The following RELN variants were observed in gnomAD, a reference collection of about 807,000 sequenced individuals.
RELN encodes reelin.
In RELN, 108 loss-of-function variants were observed where a neutral mutation model predicts 427.6. The ratio of observed to expected loss-of-function variants is 0.25; its 90% CI spans 0.22 to 0.30. The LOEUF (loss-of-function observed/expected upper bound fraction) is 0.30, where lower values mean the gene tolerates loss of function less well. Among genes scored for constraint, RELN ranks in the 10% least tolerant of loss-of-function variants. The pLI is 1.00. For missense variants in RELN, 3,715 were observed against 4,302.8 expected, an observed-to-expected ratio of 0.86 and a Z score of 3.82; for synonymous variants, 1,524 against 1,513.4, an observed-to-expected ratio of 1.01 and a Z score of -0.16.
At position 103,589,641 on chromosome 7, in the gene RELN, T is replaced by G. The variant is rs1163726019; in HGVS notation, c.4100A>C (p.Glu1367Ala). 6.2e-7 allele frequency: 1 copy of G among 1,614,080 alleles called. No homozygotes were observed. The highest frequency in any genetic ancestry group is 1.3e-5 in the African/African-American group (1 of 75,056). ...AATAACAATGGTGATTCTTGTCCATTCTTCAAAGTCCCCTGTGTGATACAT... is the reference window on the plus strand; with the variant it reads ...AATAACAATGGTGATTCTTGTCCATGCTTCAAAGTCCCCTGTGTGATACAT... ...PTMYHTGDFEEWTRITIVIPR... is the reference protein window; with the variant it reads ...PTMYHTGDFEAWTRITIVIPR... Residue 1367 changes from glutamate (E) to alanine (A), a missense_variant, in exon 28 of 65, where the codon GAA becomes GCA. By Grantham distance (107) the Glu-to-Ala change is moderately radical. Around this residue, in one of 4 missense-constraint regions of RELN, gnomAD observed 2,208 missense variants for 2,361.7 expected, o/e 0.93. Transcript: ENST00000428762.
intron 63 of RELN, among the ~76,000 whole-genome samples, chr7:103,480,761 T>G (rs1828204735): frequency 6.6e-6 from 1 of 152,222 alleles, no homozygotes; most frequent in South Asian, 2.1e-4. Context: ...ATTATAATTT[T>G]TAAATTATTC....
intron 10 of RELN, among the ~76,000 whole-genome samples, 198 bp from the exon 11 acceptor site, chr7:103,682,459 T>C (rs1833676627): frequency 6.6e-6 from 1 of 152,126 alleles, no homozygotes. Context: ...TATTAAGTTA[T>C]CACAAAAAAG....
intron 6 of RELN, among the ~76,000 whole-genome samples, chr7:103,746,452 A>G (rs1041880563): frequency 1.6e-4 from 25 of 151,950 alleles, no homozygotes; most frequent in Non-Finnish European, 3.1e-4. Context: ...CTGCACAGCA[A>G]AAGAAACTAC....
intron 2 of RELN, among the ~76,000 whole-genome samples, chr7:103,852,242 G>T (rs537110961): frequency 2.0e-5 from 3 of 152,004 alleles, no homozygotes; most frequent in African/African-American, 7.2e-5. Context: ...ATAGACTTCT[G>T]TTTTTCTCTT....
In RELN at chr7:103,833,098, T is replaced by C. The variant is rs111865361; in HGVS notation, c.473+439A>G. Among the ~76,000 whole-genome samples, 67 of 152,282 alleles carry C rather than the reference T, an allele frequency of 4.4e-4. 3 individuals carry two copies. The highest frequency in any genetic ancestry group is 1.5e-3 in the African/African-American group (64 of 41,528). On this transcript the variant is annotated intron_variant, in intron 3 of 64. Coordinates refer to ENST00000428762, the MANE Select transcript of RELN (RefSeq NM_005045.4). The stretch of plus-strand genomic sequence containing the variant: ...ATTAACCTATCCATTACATCATATG[T>C]CTTTTTTTGTGATGTGAATGTTTAA...
rs755251536 is a variant in RELN at position 103,503,232 on chromosome 7, T to C, written c.8275-2A>G. The C allele has an allele frequency of 6.2e-7, 1 of 1,612,728 alleles. No individual in the cohort carries two copies. Among genetic ancestry groups the C allele is most frequent in the Admixed American group, 1.7e-5 (1 of 60,026 alleles). ...AGACACCTTACATCCAACTGAGATCTAATAAACAGAAAAACAAGATCAAGG... is the reference window on the plus strand; with the variant it reads ...AGACACCTTACATCCAACTGAGATCCAATAAACAGAAAAACAAGATCAAGG... On this transcript the variant is annotated splice_acceptor_variant, in intron 51 of 64. Transcript: ENST00000428762. LOFTEE classifies it high-confidence loss of function.
At position 103,764,095 on chromosome 7, in the gene RELN, C is replaced by T. The variant is rs143266350; in HGVS notation, c.545-10881G>A. Among the ~76,000 whole-genome samples the T allele has an allele frequency of 1.2e-3, 176 of 152,024 alleles. 1 individual carries two copies. The highest frequency in any genetic ancestry group is 6.8e-3 in the Middle Eastern group (2 of 294). ...GCAATAGAGGGGTACAGATTTGGGA[C>T]GGACTAAAGTTCAGTTTAGAATATA... On this transcript the variant is annotated intron_variant, in intron 4 of 64. Coordinates refer to ENST00000428762, the MANE Select transcript of RELN (RefSeq NM_005045.4).
chr7:103,819,603 T>C (rs1043958819), intron 3 of RELN, among the ~76,000 whole-genome samples: 1 of 152,108 alleles, frequency 6.6e-6, no homozygotes, highest in African/African-American at 2.4e-5. Context: ...ATGCTCCAAA[T>C]GAGCCATTTA....
chr7:103,625,059 T>C (rs1832299745), intron 20 of RELN, among the ~76,000 whole-genome samples: 1 of 152,222 alleles, frequency 6.6e-6, no homozygotes, highest in African/African-American at 2.4e-5. Flanking sequence ...TTCCTTATCT[T>C]AATTCTTGCT....
At chr7:103,690,721 A>G (rs1428766801) in intron 10 of RELN, among the ~76,000 whole-genome samples, 2 of 152,094 alleles carry the variant, frequency 1.3e-5, no homozygotes, top group East Asian at 3.9e-4. Context: ...GAGATTACGA[A>G]TGAGGGTGGG....
At chr7:103,641,913 G>T (rs1281536401) in intron 16 of RELN, among the ~76,000 whole-genome samples, 1 of 152,070 alleles carries the variant, frequency 6.6e-6, no homozygotes, top group Non-Finnish European at 1.5e-5. Flanking sequence ...GGGCACCCAT[G>T]TCATAGTTCA....
intron 2 of RELN, among the ~76,000 whole-genome samples, chr7:103,909,813 AT>A (rs1292195480): frequency 1.2e-4 from 6 of 48,826 alleles, no homozygotes; most frequent in African/African-American, 5.7e-4. Context: ...AATATATAAT[AT>A]TATATATAAA....
At chr7:103,546,077 C>T (rs550354708) in intron 41 of RELN, among the ~76,000 whole-genome samples, 81 of 152,292 alleles carry the variant, frequency 5.3e-4, no homozygotes, top group African/African-American at 1.9e-3. Flanking sequence ...GTTGTCCAAC[C>T]ATCACCTCTT....
intron 1 of RELN, among the ~76,000 whole-genome samples, chr7:103,981,518 T>C (rs1365909321): frequency 1.3e-5 from 2 of 152,220 alleles, no homozygotes; most frequent in Non-Finnish European, 2.9e-5. Context: ...CAGAGCTTGA[T>C]ACAGGAATTA....
chr7:103,894,600 A>G (rs777092449), intron 2 of RELN, among the ~76,000 whole-genome samples: 4 of 152,186 alleles, frequency 2.6e-5, no homozygotes, highest in Non-Finnish European at 4.4e-5. Context: ...TTAACAAAAA[A>G]AAAGAAAATG....
chr7:103,658,687 C>T (rs1347432046), intron 12 of RELN, among the ~76,000 whole-genome samples: 1 of 151,994 alleles, frequency 6.6e-6, no homozygotes, highest in African/African-American at 2.4e-5. Context: ...CTTTCAGTGA[C>T]ACATTTTTAT....
chr7:103,659,888 C>A (rs1190519452), intron 12 of RELN, among the ~76,000 whole-genome samples: 1 of 152,056 alleles, frequency 6.6e-6, no homozygotes, highest in African/African-American at 2.4e-5. Context: ...TGGCTTAAGG[C>A]TCTATATTCA....
chr7:103,650,235 C>T lies in RELN; in HGVS notation c.2002+39G>A, dbSNP rs780627591. 6.0e-5 allele frequency: 71 copies of T among 1,187,844 alleles called. 1 individual carries two copies. The East Asian group carries it at 1.6e-3, about 27-fold the overall frequency. The allele number at this position is 1,187,844 out of a possible 1,614,324, so 73.6% of individuals were successfully genotyped here. A position where few individuals can be genotyped will look rare whatever the true frequency, so the allele number is the denominator to read the frequency against. ...CGAACAAAAGCACAGGAAGACTCTA[C>T]ATCAATGGCATGTGATTATGACAGG... On this transcript the variant is annotated intron_variant, in intron 16 of 64. Transcript: ENST00000428762.
intron 44 of RELN, 145 bp from the exon 45 acceptor site, chr7:103,539,472 C>T (rs1427760869): frequency 4.0e-6 from 3 of 757,246 alleles, no homozygotes; most frequent in Non-Finnish European, 6.5e-6. Context: ...ATGTGAGGGG[C>T]CTTTCAGAAT....
Sources: allele counts gnomAD v4.1 joint callset (sites outside exome capture counted in the v4.1 genomes callset), GRCh38; gene constraint gnomAD v4.1.1; regional missense constraint gnomAD v4.1.1; transcripts MANE v1.5; gene names NCBI Gene and HGNC (gene_info 2026-07-23, HGNC 2026-07-21).